Variants in DNM3 observed in about 807,000 individuals in gnomAD.
The protein encoded by DNM3 is dynamin 3, also known as dynamin-3.
Under a neutral mutation model 101.6 loss-of-function variants are expected in DNM3, and 47 were observed. That is an observed-to-expected ratio of 0.46 (90% CI 0.37 to 0.59). The LOEUF is 0.59. Among genes scored for constraint, DNM3 ranks in the 20% least tolerant of loss-of-function variants. DNM3 has a pLI of 0.00. For missense variants in DNM3, 849 were observed against 1,085.7 expected, an observed-to-expected ratio of 0.78 and a Z score of 3.06; for synonymous variants, 385 against 387.9, an observed-to-expected ratio of 0.99 and a Z score of 0.09.
chr1:172,221,616 G>A (rs2060909338), intron 14 of DNM3, among the ~76,000 whole-genome samples: 1 of 151,992 alleles, frequency 6.6e-6, no homozygotes, highest in African/African-American at 2.4e-5. Context: ...CTATGCCTGG[G>A]AATGCATTTC....
chr1:172,325,316 G>A (rs2065895902), intron 17 of DNM3, among the ~76,000 whole-genome samples: 1 of 152,172 alleles, frequency 6.6e-6, no homozygotes, highest in South Asian at 2.1e-4. Context: ...AGCTTTGGGT[G>A]CTCCTTAGAG....
chr1:172,038,250 A>G, intron 6 of DNM3, 69 bp from the exon 7 acceptor site: 1 of 1,568,296 alleles, frequency 6.4e-7, no homozygotes, highest in South Asian at 1.2e-5. Flanking sequence ...TCTTTGTCTC[A>G]TGAGTTAATC....
chr1:172,301,957 C>T (rs562557710), intron 15 of DNM3, among the ~76,000 whole-genome samples: 28 of 152,288 alleles, frequency 1.8e-4, no homozygotes, highest in African/African-American at 5.8e-4. Flanking sequence ...CAGCTCCCAG[C>T]GTGATCTACT....
chr1:172,140,702 A>G (rs2057526293), intron 14 of DNM3: 1 of 151,952 alleles, frequency 6.6e-6, no homozygotes, highest in African/African-American at 2.4e-5. Flanking sequence ...AAAAACCACA[A>G]CAGTTTTTCA....
intron 13 of DNM3, among the ~76,000 whole-genome samples, chr1:172,098,990 A>C (rs2147864110): frequency 6.6e-6 from 1 of 152,312 alleles, no homozygotes. Flanking sequence ...TGGCCTTGTA[A>C]ATTGCTCTTC....
chr1:172,368,784 T>C (rs939370483), intron 17 of DNM3, among the ~76,000 whole-genome samples: 3 of 151,682 alleles, frequency 2.0e-5, no homozygotes, highest in African/African-American at 7.3e-5. Context: ...TTACAACTGA[T>C]ACCACAAAAA....
intron 2 of DNM3, among the ~76,000 whole-genome samples, chr1:171,932,794 T>C (rs2041129363): frequency 6.6e-6 from 1 of 152,200 alleles, no homozygotes; most frequent in African/African-American, 2.4e-5. Flanking sequence ...ATTCAGTAAA[T>C]ACTCATCATG....
intron 12 of DNM3, among the ~76,000 whole-genome samples, chr1:172,090,981 G>C (rs748946896): frequency 1.3e-5 from 2 of 152,134 alleles, no homozygotes; most frequent in Admixed American, 6.6e-5. Flanking sequence ...ACCAAAATGA[G>C]TTGTGTTTCT....
rs190547195 is a variant in DNM3 at position 172,187,749 on chromosome 1, A to G, written c.1659+56461A>G. Reference sequence around the variant, plus strand: ...GGTTTGCATTGTTACAAATGTTAAGAAAATCACTTTTTCTCCTTTCCTATT... The same window carrying G: ...GGTTTGCATTGTTACAAATGTTAAGGAAATCACTTTTTCTCCTTTCCTATT... On this transcript the variant is annotated intron_variant, in intron 14 of 20. Coordinates refer to ENST00000627582, the MANE Select transcript of DNM3 (RefSeq NM_015569.5). 7.3e-3 allele frequency among the ~76,000 whole-genome samples: 1,109 copies of G among 152,158 alleles called. 15 individuals are homozygous for G. Among genetic ancestry groups the G allele is most frequent in the Non-Finnish European group, 0.012 (797 of 67,992 alleles).
intron 14 of DNM3, among the ~76,000 whole-genome samples, chr1:172,178,935 T>G (rs772568621): frequency 6.6e-6 from 1 of 151,888 alleles, no homozygotes; most frequent in Non-Finnish European, 1.5e-5. Context: ...GTCCATAAAA[T>G]AGAGCAAAAA....
At chr1:172,291,101 G>T (rs2063895689) in intron 15 of DNM3, among the ~76,000 whole-genome samples, 1 of 152,166 alleles carries the variant, frequency 6.6e-6, no homozygotes, top group Non-Finnish European at 1.5e-5. Flanking sequence ...AGAGTAGCAG[G>T]ATTACAGCCC....
At chr1:172,415,390 A>G (rs2071389989), downstream of DNM3, 3 of 152,220 alleles carry the variant, frequency 2.0e-5, no homozygotes, top group Non-Finnish European at 4.4e-5. Flanking sequence ...ATTAATCATC[A>G]GAGAAGAATG....
intron 1 of DNM3, among the ~76,000 whole-genome samples, chr1:171,894,885 G>C (rs1174506331): frequency 1.3e-5 from 2 of 152,130 alleles, no homozygotes; most frequent in Admixed American, 1.3e-4. Context: ...ATGGTTTCCA[G>C]CTTCATCCAT....
intron 4 of DNM3, among the ~76,000 whole-genome samples, chr1:172,008,771 T>C (rs1428331310): frequency 7.2e-6 from 1 of 138,350 alleles, no homozygotes; most frequent in Non-Finnish European, 1.5e-5. Context: ...GCATATGTTA[T>C]AGGTTTAATA....
intron 15 of DNM3, among the ~76,000 whole-genome samples, chr1:172,266,226 A>G (rs1018263800): frequency 2.0e-5 from 3 of 152,326 alleles, no homozygotes; most frequent in Admixed American, 6.5e-5. Context: ...CTACATTTCT[A>G]TACTAAGACA....
chr1:172,030,053 C>A (rs2048492102), intron 4 of DNM3, among the ~76,000 whole-genome samples: 1 of 152,156 alleles, frequency 6.6e-6, no homozygotes. Context: ...TTAGAAAAAA[C>A]TACTTTAAAT....
rs543938497 is a variant in DNM3 at position 171,958,953 on chromosome 1, C to T, written c.236-28703C>T. Among the ~76,000 whole-genome samples the T allele has an allele frequency of 1.1e-4, 17 of 152,252 alleles. No individual in the cohort carries two copies. In the South Asian group the frequency reaches 3.3e-3, roughly 30 times the overall value. Reference sequence around the variant, plus strand: ...AAAACTATTGAACTGCAGCCATGTGCATCAACAGTAATAAGTCTAGGAGCA... The same window carrying T: ...AAAACTATTGAACTGCAGCCATGTGTATCAACAGTAATAAGTCTAGGAGCA... On this transcript the variant is annotated intron_variant, in intron 2 of 20. Transcript: ENST00000627582.
chr1:172,153,624 C>G (rs2058227036), intron 14 of DNM3, among the ~76,000 whole-genome samples: 1 of 151,968 alleles, frequency 6.6e-6, no homozygotes, highest in Non-Finnish European at 1.5e-5. Flanking sequence ...CTCTCCAGCC[C>G]CTATTCGTCC....
chr1:172,370,408 T>C (rs963492056), intron 17 of DNM3: 1 of 151,998 alleles, frequency 6.6e-6, no homozygotes, highest in Non-Finnish European at 1.5e-5. Flanking sequence ...GTATTGCTAA[T>C]AAGCAAAAGC....
Sources: allele counts gnomAD v4.1 joint callset (sites outside exome capture counted in the v4.1 genomes callset), GRCh38; gene constraint gnomAD v4.1.1; transcripts MANE v1.5; gene names NCBI Gene and HGNC (gene_info 2026-07-23, HGNC 2026-07-21).